PHLPP2: variants seen among roughly 807,000 people sequenced by gnomAD.
PHLPP2 encodes the protein PH domain and leucine rich repeat protein phosphatase 2.
A neutral mutation model predicts 124.9 loss-of-function variants in PHLPP2; 66 were observed. The ratio of observed to expected loss-of-function variants is 0.53; its 90% CI spans 0.43 to 0.65. The LOEUF (loss-of-function observed/expected upper bound fraction) is 0.65, where lower values mean the gene tolerates loss of function less well. Among genes scored for constraint, PHLPP2 ranks in the 30% least tolerant of loss-of-function variants. The probability of loss-of-function intolerance (pLI) is 0.00; values close to 1 mark genes in which losing one functional copy is unlikely to be tolerated. For missense variants in PHLPP2, 1,685 were observed against 1,600.4 expected (o/e 1.05, Z -0.90); for synonymous variants, 681 against 624.7 (o/e 1.09, Z -1.34).
At chr16:71,720,439 A>G (rs955168222) in intron 1 of PHLPP2, among the ~76,000 whole-genome samples, 18 of 152,192 alleles carry the variant, frequency 1.2e-4, no homozygotes, top group African/African-American at 4.3e-4. Flanking sequence ...TTTTAACTCT[A>G]AAAGTGTTCC....
intron 2 of PHLPP2, among the ~76,000 whole-genome samples, chr16:71,709,160 C>A (rs972811677): frequency 5.3e-5 from 8 of 151,944 alleles, no homozygotes; most frequent in East Asian, 1.9e-4. Flanking sequence ...TTTTAAATAG[C>A]ACAAAAACAT....
At position 71,655,307 on chromosome 16, in the gene PHLPP2, A is replaced by G; in HGVS notation, c.2518T>C (p.Leu840=). ...TTAGTTGACTGCTGTACCTCTTCTA[A>G]AAGCACATCTGCCATCGTACACTGC... The part of the protein sequence containing the change: ...LLQCTMADVL[L]EEVQQSTNDT... The change falls in exon 17 of 19, where the codon TTA becomes CTA. Residue 840 remains leucine (L), a synonymous_variant. Transcript: ENST00000568954. The G allele has an allele frequency of 1.2e-6, 2 of 1,614,022 alleles. No individual in the cohort carries two copies. Among genetic ancestry groups the G allele is most frequent in the Non-Finnish European group, 1.7e-6 (2 of 1,179,884 alleles).
chr16:71,679,622 T>G (rs907664567), intron 6 of PHLPP2, 87 bp from the exon 7 acceptor site: 1 of 1,075,038 alleles, frequency 9.3e-7, no homozygotes. Context: ...CTTTGATATC[T>G]ATTTTAAATG....
chr16:71,683,955 G>A (rs1039324069), intron 5 of PHLPP2, among the ~76,000 whole-genome samples: 23 of 151,576 alleles, frequency 1.5e-4, no homozygotes, highest in Admixed American at 3.3e-4. Flanking sequence ...ACTACACCCC[G>A]CTAATTTTGT....
intron 11 of PHLPP2, 151 bp downstream of exon 11, chr16:71,669,124 A>G: frequency 1.9e-6 from 1 of 524,384 alleles, no homozygotes. Context: ...AGCCTTTACT[A>G]TGTTCCTTAC....
At chr16:71,672,568 A>C (rs1816073143) in intron 9 of PHLPP2, among the ~76,000 whole-genome samples, 1 of 152,290 alleles carries the variant, frequency 6.6e-6, no homozygotes, top group African/African-American at 2.4e-5. Context: ...AATATTAAGC[A>C]GTAGTTAAAT....
chr16:71,691,197 C>T (rs928088158), intron 3 of PHLPP2, among the ~76,000 whole-genome samples: 22 of 152,254 alleles, frequency 1.4e-4, no homozygotes, highest in Non-Finnish European at 2.2e-4. Flanking sequence ...CTCCCGCCTG[C>T]AATCCCAGCA....
intron 3 of PHLPP2, among the ~76,000 whole-genome samples, chr16:71,701,521 A>C (rs988974924): frequency 1.3e-5 from 2 of 152,062 alleles, no homozygotes; most frequent in Non-Finnish European, 2.9e-5. Flanking sequence ...ACTCTTTTAG[A>C]CTCTACTGGA....
intron 15 of PHLPP2, among the ~76,000 whole-genome samples, chr16:71,657,019 T>G (rs989658330): frequency 6.6e-6 from 1 of 152,164 alleles, no homozygotes; most frequent in Non-Finnish European, 1.5e-5. Context: ...CTCGGCTCAC[T>G]GCAACCTTCG....
intron 5 of PHLPP2, among the ~76,000 whole-genome samples, chr16:71,683,714 T>C (rs2045025412): frequency 6.6e-6 from 1 of 152,242 alleles, no homozygotes; most frequent in Admixed American, 6.5e-5. Flanking sequence ...TTACTCATTA[T>C]ATACTCAGAA....
chr16:71,722,418 C>T (rs1459669515), intron 1 of PHLPP2, among the ~76,000 whole-genome samples: 2 of 151,978 alleles, frequency 1.3e-5, no homozygotes, highest in Non-Finnish European at 2.9e-5. Context: ...CAGAGTGAGA[C>T]CCTGTCTCAA....
Position 71,650,030 on chromosome 16 carries a change from A to G in PHLPP2, c.2832T>C (p.Asn944=). The G allele has an allele frequency of 1.2e-6, 2 of 1,606,430 alleles. No homozygotes were observed. Among genetic ancestry groups the G allele is most frequent in the Non-Finnish European group, 8.5e-7 (1 of 1,178,722 alleles). ...GCATCCGGGTACAGCAGGTTACCCC[A>G]TTCACTTTGTTGTCCTACAGAAGAG... The part of the protein sequence containing the change: ...KAIITEDNKV[N]GVTCCTRMLG... Residue 944 remains asparagine (N), a synonymous_variant, in exon 19 of 19, where the codon AAT becomes AAC. Coordinates refer to ENST00000568954, the MANE Select transcript of PHLPP2 (RefSeq NM_015020.3).
chr16:71,669,984 T>C lies in PHLPP2; in HGVS notation c.1533-614A>G, dbSNP rs376191177. Among the ~76,000 whole-genome samples the C allele has an allele frequency of 4.6e-4, 70 of 152,298 alleles. No homozygotes were observed. In the South Asian group the frequency reaches 0.014, roughly 31 times the overall value. ...AATGAGGCAGAATGAAGCAGCGCTA[T>C]GTAAGAGAAACACACATATTGCTAT... On this transcript the variant is annotated intron_variant, in intron 10 of 18. Coordinates refer to ENST00000568954, the MANE Select transcript of PHLPP2 (RefSeq NM_015020.3).
intron 5 of PHLPP2, among the ~76,000 whole-genome samples, 166 bp downstream of exon 5, chr16:71,684,310 G>A (rs574700619): frequency 6.6e-6 from 1 of 151,734 alleles, no homozygotes; most frequent in African/African-American, 2.4e-5. Flanking sequence ...TATTTTAGTA[G>A]AGACAGGGTT....
At chr16:71,653,383 T>C (rs1455282250) in intron 17 of PHLPP2, among the ~76,000 whole-genome samples, 1 of 152,190 alleles carries the variant, frequency 6.6e-6, no homozygotes, top group Non-Finnish European at 1.5e-5. Flanking sequence ...GCCCAGAGTT[T>C]CTGAATCAGT....
At chr16:71,703,986 G>T (rs1429854099) in intron 2 of PHLPP2, among the ~76,000 whole-genome samples, 1 of 152,090 alleles carries the variant, frequency 6.6e-6, no homozygotes. Context: ...TGTTCAAAAG[G>T]TCTGAAAGAA....
intron 13 of PHLPP2, among the ~76,000 whole-genome samples, chr16:71,661,814 GTTTGT>G (rs1030867173): frequency 4.0e-5 from 6 of 151,808 alleles, no homozygotes; most frequent in African/African-American, 1.2e-4. Flanking sequence ...ACCTACACAA[GTTTGT>G]TTTGTTTTGT....
At chr16:71,652,712 T>C (rs2044705121) in intron 18 of PHLPP2, 78 bp downstream of exon 18, 1 of 984,822 alleles carries the variant, frequency 1.0e-6, no homozygotes. Flanking sequence ...AGGAAGAAAA[T>C]GGGCCTTCAT....
chr16:71,711,928 C>T (rs1333994054), intron 2 of PHLPP2, among the ~76,000 whole-genome samples: 3 of 152,244 alleles, frequency 2.0e-5, no homozygotes, highest in Non-Finnish European at 4.4e-5. Flanking sequence ...GGAAGTGTCA[C>T]TGCTGCGCCA....
Sources: allele counts gnomAD v4.1 joint callset (sites outside exome capture counted in the v4.1 genomes callset), GRCh38; gene constraint gnomAD v4.1.1; transcripts MANE v1.5; gene names NCBI Gene and HGNC (gene_info 2026-07-23, HGNC 2026-07-21).